Variants in LAMA2 observed in about 807,000 individuals in gnomAD.
LAMA2 encodes the protein laminin subunit alpha 2.
LAMA2 carries 269 observed loss-of-function variants against 364.8 expected under a neutral mutation model. That is an observed-to-expected ratio of 0.74 (90% CI 0.67 to 0.82). The LOEUF (loss-of-function observed/expected upper bound fraction) is 0.82. LAMA2 is among the 40% of genes least tolerant of loss of function. The pLI is 0.00. For synonymous variants in LAMA2, 1,379 were observed against 1,370.6 expected, an observed-to-expected ratio of 1.01 and a Z score of -0.14; for missense variants, 3,807 against 3,873.2, an observed-to-expected ratio of 0.98 and a Z score of 0.45.
chr6:129,075,715 A>G (rs1773590820), intron 3 of LAMA2, among the ~76,000 whole-genome samples: 1 of 152,092 alleles, frequency 6.6e-6, no homozygotes, highest in African/African-American at 2.4e-5. Context: ...AATTTTCCTG[A>G]AATAGTATGG....
At chr6:129,429,819 C>T (rs1025189643) in intron 41 of LAMA2, among the ~76,000 whole-genome samples, 2 of 152,080 alleles carry the variant, frequency 1.3e-5, no homozygotes, top group South Asian at 2.1e-4. Context: ...ATACCAGGGC[C>T]GTGCCCTCGC....
chr6:129,006,755 T>C (rs995198021), intron 1 of LAMA2, among the ~76,000 whole-genome samples: 8 of 152,172 alleles, frequency 5.3e-5, no homozygotes, highest in Non-Finnish European at 8.8e-5. Flanking sequence ...AAACTTGTAA[T>C]CAGGAAGACA....
rs1779314611 is a variant in LAMA2, at chr6:128,929,526, T to C, written c.112+46169T>C. 10 of 900,266 alleles carry C rather than the reference T, an allele frequency of 1.1e-5. No homozygotes were observed. In the South Asian group the frequency reaches 1.2e-4, roughly 11 times the overall value. 55.8% of individuals were successfully genotyped at this position (900,266 alleles called of 1,614,324 possible). The stretch of plus-strand genomic sequence containing the variant: ...ACCAGATCGATTCTGCTTGTACCTG[T>C]AGAGAAACTCCTGAGCGACAATTAT... On this transcript the variant is annotated intron_variant, in intron 1 of 64. Coordinates refer to ENST00000421865, the MANE Select transcript of LAMA2 (RefSeq NM_000426.4).
intron 1 of LAMA2, among the ~76,000 whole-genome samples, chr6:128,962,177 TATATATATACACAC>T (rs1781571177): frequency 8.2e-6 from 1 of 122,268 alleles, no homozygotes; most frequent in African/African-American, 3.7e-5. Context: ...TATATATATA[TATATATATACACAC>T]ATACACACAC....
chr6:129,058,597 TG>T (rs1788654946), intron 2 of LAMA2, among the ~76,000 whole-genome samples: 1 of 152,168 alleles, frequency 6.6e-6, no homozygotes, highest in African/African-American at 2.4e-5. Context: ...AACAGACAAA[TG>T]CCGGATGAGA....
chr6:129,424,710 A>G (rs1269267584), intron 40 of LAMA2, among the ~76,000 whole-genome samples: 1 of 152,068 alleles, frequency 6.6e-6, no homozygotes, highest in Non-Finnish European at 1.5e-5. Context: ...GGTTATACCA[A>G]GTATCAACAA....
intron 3 of LAMA2, among the ~76,000 whole-genome samples, chr6:129,084,223 T>C (rs1774238760): frequency 6.6e-6 from 1 of 152,182 alleles, no homozygotes; most frequent in Non-Finnish European, 1.5e-5. Flanking sequence ...GGCACAACTG[T>C]CCTTCCCACT....
intron 1 of LAMA2, among the ~76,000 whole-genome samples, chr6:128,925,876 TCTCAGTCTTGCCATGAGAAA>T: frequency 6.6e-6 from 1 of 152,158 alleles, no homozygotes; most frequent in East Asian, 1.9e-4. Context: ...TTCAACAATG[TCTCAGTCTTGCCATGAGAAA>T]CGGAGCAGGG....
rs1787093880 is a variant in LAMA2, at chr6:129,516,476, A to AGAT, written c.*131_*133dup. ...TGTACATAGAATTCTTTCTGTATTC[A>AGAT]GATGGTGCTAATTCAGACTCCAGAC... On this transcript the variant is annotated 3_prime_UTR_variant, in exon 65 of 65. Transcript: ENST00000421865. The AGAT allele has an allele frequency of 3.3e-6, 3 of 919,490 alleles. No homozygotes were observed. Among genetic ancestry groups the AGAT allele is most frequent in the South Asian group, 2.8e-5 (2 of 70,382 alleles). 57.0% of individuals were successfully genotyped at this position (919,490 alleles called of 1,614,324 possible).
At chr6:129,097,574 A>G (rs995669539) in intron 3 of LAMA2, among the ~76,000 whole-genome samples, 1 of 152,182 alleles carries the variant, frequency 6.6e-6, no homozygotes, top group Non-Finnish European at 1.5e-5. Flanking sequence ...CGTTGTCTTC[A>G]TAACACTGGA....
intron 1 of LAMA2, among the ~76,000 whole-genome samples, chr6:128,940,821 C>T (rs1430829207): frequency 6.6e-6 from 1 of 152,078 alleles, no homozygotes. Context: ...CATGGTAGTA[C>T]ACACCTGTAG....
intron 32 of LAMA2, 106 bp downstream of exon 32, chr6:129,353,463 T>G (rs1776976169): frequency 3.6e-6 from 3 of 828,644 alleles, no homozygotes; most frequent in South Asian, 1.5e-5. Flanking sequence ...TTTTTTTTTT[T>G]GCAATAGTTA....
chr6:129,040,597 C>T (rs1787020857), intron 1 of LAMA2, among the ~76,000 whole-genome samples: 1 of 152,094 alleles, frequency 6.6e-6, no homozygotes, highest in Non-Finnish European at 1.5e-5. Context: ...CCACTGCACT[C>T]CAGCCTGGGC....
chr6:128,902,392 A>G (rs1309828730), intron 1 of LAMA2, among the ~76,000 whole-genome samples: 2 of 152,234 alleles, frequency 1.3e-5, no homozygotes, highest in Non-Finnish European at 2.9e-5. Context: ...AACTGGTATA[A>G]TAAAAGAAGA....
At chr6:129,230,786 G>T (rs1193474447) in intron 12 of LAMA2, among the ~76,000 whole-genome samples, 2 of 151,978 alleles carry the variant, frequency 1.3e-5, no homozygotes, top group Non-Finnish European at 2.9e-5. Context: ...CTGACGTTGT[G>T]GTTAAGCCAA....
chr6:129,501,762 A>T lies in LAMA2; in HGVS notation c.8245-897A>T, dbSNP rs145133600. ...CTAAGAGATGTCATAAGCAGCCTGT[A>T]TATCGACCTATCTTGTGAAAATAGA... On this transcript the variant is annotated intron_variant, in intron 58 of 64. Coordinates refer to ENST00000421865, the MANE Select transcript of LAMA2 (RefSeq NM_000426.4). Among the ~76,000 whole-genome samples the T allele has an allele frequency of 1.4e-4, 21 of 152,348 alleles. No homozygotes were observed. In the East Asian group the frequency reaches 4.0e-3, roughly 29 times the overall value.
intron 15 of LAMA2, among the ~76,000 whole-genome samples, chr6:129,264,409 A>G (rs1787355207): frequency 6.6e-6 from 1 of 152,038 alleles, no homozygotes; most frequent in African/African-American, 2.4e-5. Flanking sequence ...CATGGAATCC[A>G]TAGTCCAGTT....
At chr6:129,067,276 T>TA (rs1243921213) in intron 3 of LAMA2, among the ~76,000 whole-genome samples, 1 of 152,242 alleles carries the variant, frequency 6.6e-6, no homozygotes, top group Non-Finnish European at 1.5e-5. Flanking sequence ...AGAATATAGT[T>TA]AAAATCACAG....
chr6:128,932,309 T>C (rs1345245210), intron 1 of LAMA2, among the ~76,000 whole-genome samples: 2 of 152,188 alleles, frequency 1.3e-5, no homozygotes. Flanking sequence ...TGCAAATCTC[T>C]CCAGTAGTTT....
Sources: gnomAD v4.1 joint callset for allele counts (sites outside exome capture counted in the v4.1 genomes callset) on GRCh38, gnomAD v4.1.1 for gene constraint, MANE v1.5 for transcripts, NCBI Gene and HGNC (gene_info 2026-07-23, HGNC 2026-07-21) for gene names.